The following PURA variants were observed in gnomAD, a reference collection of about 807,000 sequenced individuals.
The protein encoded by PURA is purine rich element binding protein A.
PURA carries 2 observed loss-of-function variants against 23.1 expected under a neutral mutation model. That is an observed-to-expected ratio of 0.09 (90% confidence interval 0.04 to 0.27). The LOEUF is 0.27. Among genes scored for constraint, PURA ranks in the 10% least tolerant of loss-of-function variants. The probability of loss-of-function intolerance (pLI) is 1.00; values close to 1 mark genes in which losing one functional copy is unlikely to be tolerated. For synonymous variants in PURA, 254 were observed against 205.9 expected (o/e 1.23, Z -2.00); for missense variants, 187 against 449.7 (o/e 0.42, Z 5.28).
In PURA at chr5:140,119,925, C is replaced by T. The variant is rs1435004409; in HGVS notation, c.*4775C>T. Reference sequence around the variant, plus strand: ...AATGGGGCTATCTGAAATTGATGGTCTAGTAGCTTTCATAGCTCCACAATT... The same window carrying T: ...AATGGGGCTATCTGAAATTGATGGTTTAGTAGCTTTCATAGCTCCACAATT... On this transcript the variant is annotated 3_prime_UTR_variant, in exon 1 of 1. Transcript: ENST00000331327. The T allele has an allele frequency of 1.8e-5, 3 of 166,562 alleles. No homozygotes were observed. Among genetic ancestry groups the T allele is most frequent in the South Asian group, 4.2e-4 (2 of 4,816 alleles). The allele number at this position is 166,562 out of a possible 1,614,324, so 10.3% of individuals were successfully genotyped here.
chr5:140,116,082 TTGAC>T lies in PURA; in HGVS notation c.*936_*939del, dbSNP rs1226494709. The T allele has an allele frequency of 1.8e-5, 3 of 167,104 alleles. No homozygotes were observed. The highest frequency in any genetic ancestry group is 7.2e-5 in the African/African-American group (3 of 41,454). 10.4% of individuals were successfully genotyped at this position (167,104 alleles called of 1,614,324 possible). The stretch of plus-strand genomic sequence containing the variant: ...TAATATTTTTCTGCATCTGTTTGCT[TTGAC>T]TGAGTAGGCGTTTTGTCATTATTGT... On this transcript the variant is annotated 3_prime_UTR_variant, in exon 1 of 1. Transcript: ENST00000331327.
chr5:140,116,225 A>C lies in PURA; in HGVS notation c.*1075A>C, dbSNP rs1290712305. ...GTGAACCTGTACTTGGACATCAGGT[A>C]GTGAGTCTATTTGTGGTCACTAGCA... On this transcript the variant is annotated 3_prime_UTR_variant, in exon 1 of 1. Transcript: ENST00000331327. 1.2e-5 allele frequency: 2 copies of C among 167,092 alleles called. No homozygotes were observed. Among genetic ancestry groups the C allele is most frequent in the Non-Finnish European group, 2.9e-5 (2 of 68,120 alleles). 10.4% of individuals were successfully genotyped at this position (167,092 alleles called of 1,614,324 possible).
Position 140,124,784 on chromosome 5 carries a change from C to G in PURA, c.*9634C>G, listed in dbSNP as rs1763188377. 1 of 166,818 alleles carries G rather than the reference C, an allele frequency of 6.0e-6. No homozygotes were observed. The highest frequency in any genetic ancestry group is 2.4e-5 in the African/African-American group (1 of 41,388). The allele number at this position is 166,818 out of a possible 1,614,324, so 10.3% of individuals were successfully genotyped here. Reference sequence around the variant, plus strand: ...ATTCAGCATTCTATCTATGAATTTCCTTTAGGAAAAGAGAAAAATTCAGTC... The same window carrying G: ...ATTCAGCATTCTATCTATGAATTTCGTTTAGGAAAAGAGAAAAATTCAGTC... On this transcript the variant is annotated 3_prime_UTR_variant, in exon 1 of 1. Coordinates refer to ENST00000331327, the MANE Select transcript of PURA (RefSeq NM_005859.5).
rs1763130112 is a variant in PURA at position 140,119,819 on chromosome 5, A to G, written c.*4669A>G. The stretch of plus-strand genomic sequence containing the variant: ...GGGCATGATTATTTTTATCTTCCAC[A>G]CATGGTTCACCTTCTTGTCTACAAT... On this transcript the variant is annotated 3_prime_UTR_variant, in exon 1 of 1. Transcript: ENST00000331327. The G allele has an allele frequency of 6.0e-6, 1 of 166,812 alleles. No individual in the cohort carries two copies. The highest frequency in any genetic ancestry group is 2.1e-4 in the South Asian group (1 of 4,828). 10.3% of individuals were successfully genotyped at this position (166,812 alleles called of 1,614,324 possible). A position where few individuals can be genotyped will look rare whatever the true frequency, so the allele number is the denominator to read the frequency against.
chr5:140,121,495 TC>T lies in PURA; in HGVS notation c.*6347del, dbSNP rs1293165284. On this transcript the variant is annotated 3_prime_UTR_variant, in exon 1 of 1. Transcript: ENST00000331327. ...AGTTGGTGGTGGTACTTGACCTACC[TC>T]CTTACCATGTACATCTGGCATCTTC... 6.0e-6 allele frequency: 1 copy of T among 166,838 alleles called. No homozygotes were observed. Among genetic ancestry groups the T allele is most frequent in the Non-Finnish European group, 1.5e-5 (1 of 67,986 alleles). The allele number at this position is 166,838 out of a possible 1,614,324, so 10.3% of individuals were successfully genotyped here. A position where few individuals can be genotyped will look rare whatever the true frequency, so the allele number is the denominator to read the frequency against.
In PURA at chr5:140,118,504, A is replaced by G. The variant is rs529691637; in HGVS notation, c.*3354A>G. Reference sequence around the variant, plus strand: ...TGTTAGAAGCAGCAGTCATCCAGCCACAGAGGGAGCTAAAGTTAACTAACC... The same window carrying G: ...TGTTAGAAGCAGCAGTCATCCAGCCGCAGAGGGAGCTAAAGTTAACTAACC... On this transcript the variant is annotated 3_prime_UTR_variant, in exon 1 of 1. Coordinates refer to ENST00000331327, the MANE Select transcript of PURA (RefSeq NM_005859.5). The G allele has an allele frequency of 1.2e-5, 2 of 166,928 alleles. No homozygotes were observed. The highest frequency in any genetic ancestry group is 2.9e-5 in the Non-Finnish European group (2 of 68,052). The allele number at this position is 166,928 out of a possible 1,614,324, so 10.3% of individuals were successfully genotyped here.
rs1763084997 is a variant in PURA, at chr5:140,116,804, T to C, written c.*1654T>C. 1 of 157,614 alleles carries C rather than the reference T, an allele frequency of 6.3e-6. No homozygotes were observed. 9.8% of individuals were successfully genotyped at this position (157,614 alleles called of 1,614,324 possible). ...CAGTACATTTTGGTTTGGAATTCTG[T>C]AGAAAGTATTTTGGTAAAAAAAAAA... On this transcript the variant is annotated 3_prime_UTR_variant, in exon 1 of 1. Transcript: ENST00000331327.
chr5:140,117,197 T>G lies in PURA; in HGVS notation c.*2047T>G, dbSNP rs1437636856. 1 of 167,086 alleles carries G rather than the reference T, an allele frequency of 6.0e-6. No individual in the cohort carries two copies. Among genetic ancestry groups the G allele is most frequent in the Non-Finnish European group, 1.5e-5 (1 of 68,094 alleles). 10.4% of individuals were successfully genotyped at this position (167,086 alleles called of 1,614,324 possible). ...TGTTAAATATGAGGTGACCGTACAG[T>G]AGTTAGGAGTTTCTTTACTTACAAA... On this transcript the variant is annotated 3_prime_UTR_variant, in exon 1 of 1. Coordinates refer to ENST00000331327, the MANE Select transcript of PURA (RefSeq NM_005859.5).
Position 140,125,106 on chromosome 5 carries a change from T to C in PURA, c.*9956T>C, listed in dbSNP as rs1763195606. The C allele has an allele frequency of 6.0e-6, 1 of 166,946 alleles. No homozygotes were observed. Among genetic ancestry groups the C allele is most frequent in the South Asian group, 2.1e-4 (1 of 4,828 alleles). The allele number at this position is 166,946 out of a possible 1,614,324, so 10.3% of individuals were successfully genotyped here. Reference sequence around the variant, plus strand: ...GGGGTCACAGATATCTTTGATAATCTGATGACAGTGTGATGGATCCTCTAC... The same window carrying C: ...GGGGTCACAGATATCTTTGATAATCCGATGACAGTGTGATGGATCCTCTAC... On this transcript the variant is annotated 3_prime_UTR_variant, in exon 1 of 1. Transcript: ENST00000331327.
rs1763160449 is a variant in PURA, at chr5:140,122,213, G to T, written c.*7063G>T. 1 of 166,774 alleles carries T rather than the reference G, an allele frequency of 6.0e-6. No individual in the cohort carries two copies. The highest frequency in any genetic ancestry group is 2.4e-5 in the African/African-American group (1 of 41,392). The allele number at this position is 166,774 out of a possible 1,614,324, so 10.3% of individuals were successfully genotyped here. A position where few individuals can be genotyped will look rare whatever the true frequency, so the allele number is the denominator to read the frequency against. On this transcript the variant is annotated 3_prime_UTR_variant, in exon 1 of 1. Transcript: ENST00000331327. The stretch of plus-strand genomic sequence containing the variant: ...TTTCTGGTCAAGGCAAGTGGATGCT[G>T]GGGAGTTATTATTTTGAGGAAAAGA...
rs887427240 is a variant in PURA, at chr5:140,123,417, A to C, written c.*8267A>C. On this transcript the variant is annotated 3_prime_UTR_variant, in exon 1 of 1. Transcript: ENST00000331327. ...AAAATTTCTAGTTTTCATTATTTGC[A>C]CTATTTATCTTTGCACTTGATTTTT... is the stretch of plus-strand genomic sequence containing the variant. The C allele has an allele frequency of 6.0e-6, 1 of 166,984 alleles. No homozygotes were observed. 10.3% of individuals were successfully genotyped at this position (166,984 alleles called of 1,614,324 possible).
rs1030632683 is a variant in PURA at position 140,121,623 on chromosome 5, T to C, written c.*6473T>C. 6.0e-6 allele frequency: 1 copy of C among 166,914 alleles called. No homozygotes were observed. Among genetic ancestry groups the C allele is most frequent in the Non-Finnish European group, 1.5e-5 (1 of 68,006 alleles). 10.3% of individuals were successfully genotyped at this position (166,914 alleles called of 1,614,324 possible). A position where few individuals can be genotyped will look rare whatever the true frequency, so the allele number is the denominator to read the frequency against. Reference sequence around the variant, plus strand: ...CTTCTTCAGAGAGAAGTAAAGAAATTTCTGACTCCTGCCTTAGAACATAGC... The same window carrying C: ...CTTCTTCAGAGAGAAGTAAAGAAATCTCTGACTCCTGCCTTAGAACATAGC... On this transcript the variant is annotated 3_prime_UTR_variant, in exon 1 of 1. Transcript: ENST00000331327.
rs1763089274 is a variant in PURA, at chr5:140,117,119, A to G, written c.*1969A>G. 1.2e-5 allele frequency: 2 copies of G among 166,996 alleles called. No homozygotes were observed. Among genetic ancestry groups the G allele is most frequent in the East Asian group, 1.9e-4 (1 of 5,182 alleles). The allele number at this position is 166,996 out of a possible 1,614,324, so 10.3% of individuals were successfully genotyped here. A position where few individuals can be genotyped will look rare whatever the true frequency, so the allele number is the denominator to read the frequency against. ...TACTGTATGTGTTGAATAACAAGCT[A>G]TTTTCATTGTACTGTGCATTTTCCC... On this transcript the variant is annotated 3_prime_UTR_variant, in exon 1 of 1. Transcript: ENST00000331327.
Position 140,121,553 on chromosome 5 carries a change from C to T in PURA, c.*6403C>T, listed in dbSNP as rs1333358830. ...CTATCCTTTTTCTTTGTTTCTCTCT[C>T]CACTTTTACTCTTGCTGTAGGCCTA... On this transcript the variant is annotated 3_prime_UTR_variant, in exon 1 of 1. Coordinates refer to ENST00000331327, the MANE Select transcript of PURA (RefSeq NM_005859.5). 2 of 166,836 alleles carry T rather than the reference C, an allele frequency of 1.2e-5. No individual in the cohort carries two copies. The highest frequency in any genetic ancestry group is 2.4e-5 in the African/African-American group (1 of 41,380). 10.3% of individuals were successfully genotyped at this position (166,836 alleles called of 1,614,324 possible). A position where few individuals can be genotyped will look rare whatever the true frequency, so the allele number is the denominator to read the frequency against.
Position 140,115,188 on chromosome 5 carries a change from TACACAC to T in PURA, c.*48_*53del, listed in dbSNP as rs144048243. On this transcript the variant is annotated 3_prime_UTR_variant, in exon 1 of 1. Coordinates refer to ENST00000331327, the MANE Select transcript of PURA (RefSeq NM_005859.5). This position sits in a 1 kb window ranked among gnomAD's most constrained non-coding sequence, Gnocchi z 4.1. ...AAACCCCCACACACACACACATGCA[TACACAC>T]ACACACACAGCCACACACACAGAAA... is the stretch of plus-strand genomic sequence containing the variant. 4.6e-6 allele frequency: 5 copies of T among 1,089,662 alleles called. No individual in the cohort carries two copies. Among genetic ancestry groups the T allele is most frequent in the Non-Finnish European group, 3.9e-6 (3 of 772,494 alleles). 67.5% of individuals were successfully genotyped at this position (1,089,662 alleles called of 1,614,324 possible).
In PURA at chr5:140,119,605, T is replaced by G. The variant is rs182704398; in HGVS notation, c.*4455T>G. ...TAAGTCAGTTAAGATTTGATATATTTTAAAAGATACTATGTCAACTTTTTT... is the reference window on the plus strand; with the variant it reads ...TAAGTCAGTTAAGATTTGATATATTGTAAAAGATACTATGTCAACTTTTTT... On this transcript the variant is annotated 3_prime_UTR_variant, in exon 1 of 1. Coordinates refer to ENST00000331327, the MANE Select transcript of PURA (RefSeq NM_005859.5). 1.8e-5 allele frequency: 3 copies of G among 166,972 alleles called. No individual in the cohort carries two copies. The highest frequency in any genetic ancestry group is 1.3e-4 in the Admixed American group (2 of 15,286). 10.3% of individuals were successfully genotyped at this position (166,972 alleles called of 1,614,324 possible).
At position 140,120,815 on chromosome 5, in the gene PURA, G is replaced by A. The variant is rs1273674675; in HGVS notation, c.*5665G>A. The stretch of plus-strand genomic sequence containing the variant: ...AAGCTGAGTGTGGCAAAGGTCACTT[G>A]TTAACATTTTTCTTAACAAGAATGT... On this transcript the variant is annotated 3_prime_UTR_variant, in exon 1 of 1. Transcript: ENST00000331327. 6.0e-6 allele frequency: 1 copy of A among 166,742 alleles called. No individual in the cohort carries two copies. The highest frequency in any genetic ancestry group is 2.4e-5 in the African/African-American group (1 of 41,416). 10.3% of individuals were successfully genotyped at this position (166,742 alleles called of 1,614,324 possible).
chr5:140,114,616 C>T lies in PURA; in HGVS notation c.435C>T (p.Ser145=), dbSNP rs1763046971. 1 of 1,608,314 alleles carries T rather than the reference C, an allele frequency of 6.2e-7. No homozygotes were observed. The highest frequency in any genetic ancestry group is 8.5e-7 in the Non-Finnish European group (1 of 1,178,624). ...AQDEPRRALK[S]EFLVRENRKY... is the part of the protein sequence containing the mutation. ...ACGAGCCGCGCCGGGCGCTCAAAAGCGAGTTCCTGGTGCGCGAGAACCGCA... is the reference window on the plus strand; with the variant it reads ...ACGAGCCGCGCCGGGCGCTCAAAAGTGAGTTCCTGGTGCGCGAGAACCGCA... Residue 145 remains serine (S), a synonymous_variant, in exon 1 of 1, where the codon AGC becomes AGT. Transcript: ENST00000331327.
In PURA at chr5:140,124,582, T is replaced by A. The variant is rs1763186076; in HGVS notation, c.*9432T>A. On this transcript the variant is annotated 3_prime_UTR_variant, in exon 1 of 1. Coordinates refer to ENST00000331327, the MANE Select transcript of PURA (RefSeq NM_005859.5). ...TAACTTCCATTGTTCAGATTTTAGG[T>A]TTATCTAGTGAAATTGTGCCAGGTA... 1 of 167,048 alleles carries A rather than the reference T, an allele frequency of 6.0e-6. No individual in the cohort carries two copies. Among genetic ancestry groups the A allele is most frequent in the Non-Finnish European group, 1.5e-5 (1 of 68,106 alleles). 10.3% of individuals were successfully genotyped at this position (167,048 alleles called of 1,614,324 possible). A position where few individuals can be genotyped will look rare whatever the true frequency, so the allele number is the denominator to read the frequency against.
Sources: gnomAD v4.1 joint callset for allele counts on GRCh38, gnomAD v4.1.1 for gene constraint, Gnocchi (gnomAD v3.1) non-coding constraint, MANE v1.5 for transcripts, NCBI Gene and HGNC (gene_info 2026-07-23, HGNC 2026-07-21) for gene names.